Variants in RHOT1 observed in about 807,000 individuals in gnomAD.
RHOT1 encodes the protein mitochondrial Rho GTPase 1.
Under a neutral mutation model 95.3 loss-of-function variants are expected in RHOT1, and 27 were observed. The observed-to-expected ratio is 0.28, with a 90% CI of 0.21 to 0.39. The LOEUF is 0.39. Ranked by LOEUF, RHOT1 falls within the 10% of genes least tolerant of loss-of-function variation. RHOT1 has a pLI of 1.00. For missense variants in RHOT1, 578 were observed against 786.7 expected, an observed-to-expected ratio of 0.73 and a Z score of 3.17; for synonymous variants, 227 against 263.5, an observed-to-expected ratio of 0.86 and a Z score of 1.34.
intron 6 of RHOT1, among the ~76,000 whole-genome samples, chr17:32,181,894 A>C (rs906872237): frequency 2.6e-5 from 4 of 151,842 alleles, no homozygotes; most frequent in Non-Finnish European, 1.5e-5. Context: ...TTTACTCAGT[A>C]CTCTGTAGCC....
intron 1 of RHOT1, among the ~76,000 whole-genome samples, chr17:32,152,591 G>GA (rs200439732): frequency 0.068 from 10,035 of 147,140 alleles, 393 homozygotes; most frequent in Admixed American, 0.12. Context: ...CTTCTGCTCT[G>GA]AAAAAAAAAA....
chr17:32,199,529 A>G lies in RHOT1; in HGVS notation c.1079A>G (p.Gln360Arg). Residue 360 changes from glutamine (Q) to arginine (R), a missense_variant, in exon 13 of 20, where the codon CAG (glutamine) becomes CGG (arginine). By Grantham distance (43) the Gln-to-Arg change is conservative. Around this residue, in one of 4 missense-constraint regions of RHOT1, gnomAD observed 227 missense variants for 316.0 expected, o/e 0.72. Transcript: ENST00000545287. Reference sequence around the variant, plus strand: ...AATGAAAGAGGCTGGATAACCTACCAGGGATTCCTTTCCCAGTGGACGTGA... The same window carrying G: ...AATGAAAGAGGCTGGATAACCTACCGGGGATTCCTTTCCCAGTGGACGTGA... ...CTNERGWITYQGFLSQWTLTT... is the reference protein window; with the variant it reads ...CTNERGWITYRGFLSQWTLTT... 1 of 1,610,320 alleles carries G rather than the reference A, an allele frequency of 6.2e-7. No individual in the cohort carries two copies. Among genetic ancestry groups the G allele is most frequent in the South Asian group, 1.1e-5 (1 of 90,188 alleles).
At chr17:32,166,049 A>G (rs2034051757) in intron 1 of RHOT1, among the ~76,000 whole-genome samples, 1 of 151,942 alleles carries the variant, frequency 6.6e-6, no homozygotes, top group South Asian at 2.1e-4. Flanking sequence ...GTAGCCAGGC[A>G]TGGTGGCACA....
At chr17:32,185,709 CTTT>C (rs57965854) in intron 8 of RHOT1, among the ~76,000 whole-genome samples, 22 of 126,712 alleles carry the variant, frequency 1.7e-4, no homozygotes, top group Admixed American at 5.6e-4. Context: ...TGCCCGGCCT[CTTT>C]TTTTTTTTTT....
At chr17:32,210,217 G>C (rs75677726) in intron 18 of RHOT1, among the ~76,000 whole-genome samples, 7,370 of 152,216 alleles carry the variant, frequency 0.048, 227 homozygotes, top group South Asian at 0.069. Flanking sequence ...AGTGGGTTCT[G>C]AACCAGTACC....
intron 19 of RHOT1, among the ~76,000 whole-genome samples, chr17:32,215,616 A>G (rs969570629): frequency 1.3e-5 from 2 of 152,178 alleles, no homozygotes; most frequent in Non-Finnish European, 1.5e-5. Context: ...CTGATAATGA[A>G]TTTAGGCAGT....
chr17:32,219,513 G>T (rs952497052), intron 19 of RHOT1, among the ~76,000 whole-genome samples: 2 of 152,112 alleles, frequency 1.3e-5, no homozygotes, highest in African/African-American at 4.8e-5. Flanking sequence ...CAGTGCAAAG[G>T]TACATAGGAA....
intron 19 of RHOT1, among the ~76,000 whole-genome samples, chr17:32,216,069 T>C (rs1488648910): frequency 6.6e-6 from 1 of 152,220 alleles, no homozygotes; most frequent in East Asian, 1.9e-4. Context: ...AATGATTATA[T>C]ATAGATGAGC....
chr17:32,165,362 A>C (rs1006727656), intron 1 of RHOT1, among the ~76,000 whole-genome samples: 5 of 130,642 alleles, frequency 3.8e-5, no homozygotes, highest in South Asian at 2.4e-4. Flanking sequence ...AAAAAAAAAA[A>C]CAATACAAAA....
chr17:32,153,953 T>C (rs930351008), intron 1 of RHOT1, among the ~76,000 whole-genome samples: 2 of 152,160 alleles, frequency 1.3e-5, no homozygotes, highest in Non-Finnish European at 2.9e-5. Flanking sequence ...ATTCTGTCTG[T>C]GATCCACAGA....
chr17:32,169,442 T>G (rs2034384874), intron 1 of RHOT1, among the ~76,000 whole-genome samples: 1 of 152,178 alleles, frequency 6.6e-6, no homozygotes, highest in African/African-American at 2.4e-5. Context: ...ATAAAAAAAT[T>G]GCTAGAATAG....
chr17:32,202,381 A>G (rs1269333385), intron 14 of RHOT1, among the ~76,000 whole-genome samples: 1 of 152,180 alleles, frequency 6.6e-6, no homozygotes, highest in Admixed American at 6.5e-5. Context: ...TTGAAATAGC[A>G]TCTTTTAGTT....
intron 8 of RHOT1, among the ~76,000 whole-genome samples, chr17:32,188,320 G>A (rs1329013472): frequency 6.6e-6 from 1 of 152,158 alleles, no homozygotes; most frequent in Non-Finnish European, 1.5e-5. Flanking sequence ...TCCATATTTT[G>A]TAATCCACTT....
Position 32,202,868 on chromosome 17 carries a change from G to A in RHOT1, c.1300G>A (p.Val434Ile), listed in dbSNP as rs752714402. Residue 434 changes from valine (V) to isoleucine (I), a missense_variant, in exon 15 of 20, where the codon GTT becomes ATT. Transcript: ENST00000545287. ...IGVKNCGKSG[V>I]LQALLGRNLM... The stretch of plus-strand genomic sequence containing the variant: ...AGTGAAAAACTGTGGGAAAAGTGGA[G>A]TTCTTCAGGCTCTTCTTGGAAGAAA... 8 of 1,613,274 alleles carry A rather than the reference G, an allele frequency of 5.0e-6. No homozygotes were observed. The highest frequency in any genetic ancestry group is 4.2e-6 in the Non-Finnish European group (5 of 1,179,772).
chr17:32,206,192 CTTTTTTTTTTTTTTTTTT>C (rs71144812), intron 16 of RHOT1, among the ~76,000 whole-genome samples: 7 of 60,518 alleles, frequency 1.2e-4, no homozygotes, highest in East Asian at 7.6e-4. Context: ...TCCATAGAAT[CTTTTTTTTTTTTTTTTTT>C]TTTTTTTTTT....
intron 19 of RHOT1, among the ~76,000 whole-genome samples, chr17:32,213,109 G>A (rs2038237230): frequency 6.6e-6 from 1 of 152,198 alleles, no homozygotes; most frequent in Admixed American, 6.5e-5. Context: ...GCTAATTAAA[G>A]TCAGATGTTT....
At chr17:32,187,216 G>T (rs892771816) in intron 8 of RHOT1, among the ~76,000 whole-genome samples, 34 of 152,118 alleles carry the variant, frequency 2.2e-4, no homozygotes, top group Non-Finnish European at 4.7e-4. Context: ...GAATCTGGGA[G>T]GTGGAGGTTG....
chr17:32,153,281 G>A lies in RHOT1; in HGVS notation c.37+10552G>A, dbSNP rs868636516. Among the ~76,000 whole-genome samples the A allele has an allele frequency of 2.9e-4, 44 of 152,344 alleles. No homozygotes were observed. In the Middle Eastern group the frequency reaches 0.01, roughly 35 times the overall value. On this transcript the variant is annotated intron_variant, in intron 1 of 19. Coordinates refer to ENST00000545287, the MANE Select transcript of RHOT1 (RefSeq NM_001033566.3). ...GGTAGGCACATTTCTTATGGACCTA[G>A]AGTGGGACTGAGTTATTGAATGTCA...
intron 18 of RHOT1, 131 bp from the exon 19 acceptor site, chr17:32,210,985 A>T: frequency 1.3e-6 from 1 of 793,760 alleles, no homozygotes; most frequent in Non-Finnish European, 1.9e-6. Context: ...AGCATGCCCC[A>T]TACTGTCCTT....
Sources: gnomAD v4.1 joint callset for allele counts (sites outside exome capture counted in the v4.1 genomes callset) on GRCh38, gnomAD v4.1.1 for gene constraint, gnomAD v4.1.1 regional missense constraint, MANE v1.5 for transcripts, NCBI Gene and HGNC (gene_info 2026-07-23, HGNC 2026-07-21) for gene names.